The following SP140 variants were observed in gnomAD, a reference collection of about 807,000 sequenced individuals.
The protein encoded by SP140 is SP140 nuclear body protein.
In SP140, 81 loss-of-function variants were observed where a neutral mutation model predicts 125.0. That is an observed-to-expected ratio of 0.65 (90% confidence interval 0.54 to 0.78). The LOEUF is 0.78. SP140 is among the 30% of genes least tolerant of loss of function. The pLI is 0.00. For synonymous variants in SP140, 312 were observed against 354.0 expected, an observed-to-expected ratio of 0.88 and a Z score of 1.33; for missense variants, 858 against 1,037.0, an observed-to-expected ratio of 0.83 and a Z score of 2.37.
rs762336752 is a variant in SP140, at chr2:230,285,856, C to T, written c.1645+24C>T. 14 of 1,561,076 alleles carry T rather than the reference C, an allele frequency of 9.0e-6. No individual in the cohort carries two copies. The South Asian group carries it at 1.6e-4, about 17-fold the overall frequency. ...GGGTAAGATAAAGTTTGTCCGCTTT[C>T]CCTTTGCCCTACAGGTCAATACAAA... On this transcript the variant is annotated intron_variant, in intron 17 of 26. Coordinates refer to ENST00000392045, the MANE Select transcript of SP140 (RefSeq NM_007237.5).
chr2:230,265,920 G>A (rs1464813493), intron 12 of SP140, among the ~76,000 whole-genome samples: 1 of 152,144 alleles, frequency 6.6e-6, no homozygotes, highest in East Asian at 1.9e-4. Context: ...TGATAAAGGA[G>A]AAAGGGAGAC....
At chr2:230,271,527 A>G (rs2053923165) in intron 15 of SP140, among the ~76,000 whole-genome samples, 1 of 152,222 alleles carries the variant, frequency 6.6e-6, no homozygotes, top group Non-Finnish European at 1.5e-5. Flanking sequence ...TCAGAAGGAC[A>G]TAAGAAAGAT....
At chr2:230,295,864 A>G (rs2057660672) in intron 21 of SP140, among the ~76,000 whole-genome samples, 1 of 152,362 alleles carries the variant, frequency 6.6e-6, no homozygotes, top group Non-Finnish European at 1.5e-5. Flanking sequence ...AAGTGAATCA[A>G]CATTCATTTA....
intron 1 of SP140, chr2:230,212,455 C>A: frequency 6.5e-7 from 1 of 1,531,570 alleles, no homozygotes; most frequent in Non-Finnish European, 9.1e-7. Flanking sequence ...GAAATTATTA[C>A]AGATTGCAGG....
the SP140 span, among the ~76,000 whole-genome samples, chr2:230,186,355 G>A: frequency 6.6e-6 from 1 of 152,096 alleles, no homozygotes; most frequent in Admixed American, 6.5e-5. Context: ...TAGAATGCAA[G>A]CTCCACTAGT....
Position 230,255,549 on chromosome 2 carries a change from G to T in SP140, c.1240+17G>T, listed in dbSNP as rs200013241. 1.1e-3 allele frequency: 1,820 copies of T among 1,597,390 alleles called. 22 individuals carry two copies. In the African/African-American group the frequency reaches 0.021, roughly 19 times the overall value. On this transcript the variant is annotated intron_variant, in intron 12 of 26. Coordinates refer to ENST00000392045, the MANE Select transcript of SP140 (RefSeq NM_007237.5). ...GTGGGTCAGGTAAGGACGGGGGGGG[G>T]GATTTCTGGCCCTGGGCTGCAGAGT...
upstream of SP140, among the ~76,000 whole-genome samples, chr2:230,222,640 C>T (rs1365541164): frequency 1.3e-5 from 2 of 151,496 alleles, no homozygotes; most frequent in Non-Finnish European, 2.9e-5. Flanking sequence ...GGGAGAATTG[C>T]TTGAGCCCAG....
chr2:230,294,601 T>C (rs2057489736), intron 21 of SP140, among the ~76,000 whole-genome samples: 1 of 152,206 alleles, frequency 6.6e-6, no homozygotes, highest in Non-Finnish European at 1.5e-5. Flanking sequence ...GATGCAGATG[T>C]CTTAAGAGTG....
chr2:230,275,602 C>CA (rs765581695), intron 15 of SP140, among the ~76,000 whole-genome samples: 11 of 151,892 alleles, frequency 7.2e-5, no homozygotes, highest in East Asian at 5.8e-4. Flanking sequence ...TTTCCTGAGA[C>CA]AAAAAAATAT....
chr2:230,189,589 CA>C, the SP140 span, among the ~76,000 whole-genome samples: 1 of 152,106 alleles, frequency 6.6e-6, no homozygotes, highest in Admixed American at 6.5e-5. Context: ...AAAAACCCCC[CA>C]AAATGGGACA....
intron 7 of SP140, among the ~76,000 whole-genome samples, chr2:230,246,606 T>C (rs1402829077): frequency 6.6e-6 from 1 of 152,198 alleles, no homozygotes; most frequent in Non-Finnish European, 1.5e-5. Context: ...AGATGAGGCC[T>C]TTGATACTAT....
intron 3 of SP140, among the ~76,000 whole-genome samples, chr2:230,240,542 G>A (rs1391127261): frequency 6.6e-6 from 1 of 151,954 alleles, no homozygotes; most frequent in African/African-American, 2.4e-5. Flanking sequence ...GATATAAAAT[G>A]TCCAGCAAGA....
intron 1 of SP140, among the ~76,000 whole-genome samples, chr2:230,227,911 T>A (rs2046698273): frequency 6.6e-6 from 1 of 152,180 alleles, no homozygotes; most frequent in Non-Finnish European, 1.5e-5. Flanking sequence ...TCAATTTTTT[T>A]AACTTCCACT....
At chr2:230,255,198 G>C (rs1421126135) in intron 11 of SP140, among the ~76,000 whole-genome samples, 3 of 152,152 alleles carry the variant, frequency 2.0e-5, no homozygotes, top group Non-Finnish European at 4.4e-5. Flanking sequence ...GAAAGGGGGA[G>C]GGGGAGAAGG....
chr2:230,257,486 G>A (rs67138220), intron 12 of SP140, among the ~76,000 whole-genome samples: 11,313 of 152,232 alleles, frequency 0.074, 603 homozygotes, highest in South Asian at 0.19. Context: ...TATCACTTAG[G>A]CTGGGTGCAG....
intron 22 of SP140, among the ~76,000 whole-genome samples, chr2:230,307,183 A>G (rs2058841643): frequency 6.6e-6 from 1 of 152,200 alleles, no homozygotes; most frequent in Non-Finnish European, 1.5e-5. Context: ...AACACTCGTC[A>G]GGACACATTG....
intron 12 of SP140, among the ~76,000 whole-genome samples, chr2:230,263,345 C>T (rs1025350634): frequency 1.3e-5 from 2 of 151,982 alleles, no homozygotes; most frequent in South Asian, 2.1e-4. Flanking sequence ...TAAGTTTATG[C>T]GAGTCCTTAT....
intron 1 of SP140, chr2:230,212,771 T>G (rs767104184): frequency 4.3e-6 from 7 of 1,614,132 alleles, no homozygotes; most frequent in Non-Finnish European, 5.9e-6. Context: ...CTGAAGTGCT[T>G]CTTCCTTCCT....
intron 5 of SP140, among the ~76,000 whole-genome samples, chr2:230,244,488 G>A (rs1205909269): frequency 6.6e-6 from 1 of 152,168 alleles, no homozygotes; most frequent in African/African-American, 2.4e-5. Context: ...GAGACCCAAG[G>A]AGGCCTGCAG....
Sources: gnomAD v4.1 joint callset for allele counts (sites outside exome capture counted in the v4.1 genomes callset) on GRCh38, gnomAD v4.1.1 for gene constraint, MANE v1.5 for transcripts, NCBI Gene and HGNC (gene_info 2026-07-23, HGNC 2026-07-21) for gene names.